Variants in XKR6 observed in about 807,000 individuals in gnomAD.
XKR6 encodes XK related 6.
In XKR6, 22 loss-of-function variants were observed where a neutral mutation model predicts 56.7. The observed-to-expected ratio is 0.39, with a 90% confidence interval of 0.28 to 0.55. The LOEUF is 0.55. XKR6 is among the 20% of genes least tolerant of loss of function. The probability of loss-of-function intolerance (pLI) is 0.66; values close to 1 mark genes in which losing one functional copy is unlikely to be tolerated. For missense variants in XKR6, 852 were observed against 889.0 expected (o/e 0.96, Z 0.53); for synonymous variants, 524 against 387.8 (o/e 1.35, Z -4.13).
chr8:11,025,733 C>A (rs1046688699), intron 1 of XKR6, among the ~76,000 whole-genome samples: 2 of 152,190 alleles, frequency 1.3e-5, no homozygotes, highest in Non-Finnish European at 2.9e-5. Context: ...CACTAATACA[C>A]ACCAAATAGA....
intron 1 of XKR6, among the ~76,000 whole-genome samples, chr8:11,086,389 G>T (rs1322834593): frequency 1.3e-5 from 2 of 152,110 alleles, no homozygotes; most frequent in South Asian, 4.1e-4. Flanking sequence ...CACAGTGGGT[G>T]CTATTCGCTG....
chr8:11,106,363 A>C (rs957499885), intron 1 of XKR6: 1 of 152,222 alleles, frequency 6.6e-6, no homozygotes, highest in Admixed American at 6.5e-5. Context: ...GAACTCCAGA[A>C]GCCAGCGAGC....
intron 1 of XKR6, among the ~76,000 whole-genome samples, chr8:10,984,694 G>GGCTC (rs1491182229): frequency 2.0e-5 from 1 of 50,186 alleles, no homozygotes; most frequent in Non-Finnish European, 4.3e-5. Context: ...TAAAATACAT[G>GGCTC]GCTCTCTCTC....
intron 1 of XKR6, among the ~76,000 whole-genome samples, chr8:11,031,348 T>A (rs991461784): frequency 2.0e-5 from 3 of 152,224 alleles, no homozygotes; most frequent in Admixed American, 6.5e-5. Context: ...GATCTCTCCT[T>A]GGGGCTTATG....
intron 1 of XKR6, among the ~76,000 whole-genome samples, chr8:11,038,688 C>G (rs568518410): frequency 6.6e-6 from 1 of 152,038 alleles, no homozygotes; most frequent in African/African-American, 2.4e-5. Context: ...GTGCTCACCA[C>G]CACGCCTGGC....
At chr8:11,159,196 G>T (rs955491406) in intron 1 of XKR6, among the ~76,000 whole-genome samples, 1 of 152,132 alleles carries the variant, frequency 6.6e-6, no homozygotes, top group Admixed American at 6.5e-5. Flanking sequence ...TCCCAGAGGG[G>T]TACCCAATTC....
chr8:11,201,214 G>A lies in XKR6; in HGVS notation c.126C>T (p.Gly42=), dbSNP rs1381158721. 26 of 1,533,596 alleles carry A rather than the reference G, an allele frequency of 1.7e-5. No individual in the cohort carries two copies. Among genetic ancestry groups the A allele is most frequent in the Middle Eastern group, 4.0e-4 (2 of 5,002 alleles). 95.0% of individuals were successfully genotyped at this position (1,533,596 alleles called of 1,614,324 possible). A position where few individuals can be genotyped will look rare whatever the true frequency, so the allele number is the denominator to read the frequency against. Residue 42 remains glycine (G), a synonymous_variant, in exon 1 of 3, where the codon GGC becomes GGT. Coordinates refer to ENST00000416569, the MANE Select transcript of XKR6 (RefSeq NM_173683.4). The part of the protein sequence containing the change: ...GEPGGGGCGG[G]GDGSEPGESS... Reference sequence around the variant, plus strand: ...TCTCGCCGGGCTCGCTGCCGTCGCCGCCGCCGCCGCAGCCGCCTCCCCCGG... The same window carrying A: ...TCTCGCCGGGCTCGCTGCCGTCGCCACCGCCGCCGCAGCCGCCTCCCCCGG...
chr8:11,167,322 G>A (rs896556579), intron 1 of XKR6, among the ~76,000 whole-genome samples: 6 of 152,210 alleles, frequency 3.9e-5, no homozygotes, highest in Non-Finnish European at 7.3e-5. Context: ...TGTGATGGCA[G>A]CCCATATTCC....
rs7018157 is a variant in XKR6, at chr8:11,144,004, G to T, written c.764+56572C>A. The stretch of plus-strand genomic sequence containing the variant: ...TTCCTCTGTGCATGTGTGTCCCTGG[G>T]GTCTCTCCCTCTTCTTTTAAGAAGT... On this transcript the variant is annotated intron_variant, in intron 1 of 2. Coordinates refer to ENST00000416569, the MANE Select transcript of XKR6 (RefSeq NM_173683.4). Among the ~76,000 whole-genome samples, 1,012 of 151,908 alleles carry T rather than the reference G, an allele frequency of 6.7e-3. 12 individuals carry two copies. Among genetic ancestry groups the T allele is most frequent in the African/African-American group, 0.023 (946 of 41,408 alleles).
chr8:11,037,602 G>A lies in XKR6; in HGVS notation c.765-112772C>T, dbSNP rs113787611. Among the ~76,000 whole-genome samples, 1,144 of 152,310 alleles carry A rather than the reference G, an allele frequency of 7.5e-3. 5 individuals are homozygous for A. Among genetic ancestry groups the A allele is most frequent in the Middle Eastern group, 0.058 (17 of 294 alleles). ...GGGCCGGGCGCAGTGGCTCACGCCT[G>A]TAATCCCAGCACTTTGGGAAGCTGA... On this transcript the variant is annotated intron_variant, in intron 1 of 2. Coordinates refer to ENST00000416569, the MANE Select transcript of XKR6 (RefSeq NM_173683.4).
At chr8:11,110,994 G>C (rs1247199315) in intron 1 of XKR6, among the ~76,000 whole-genome samples, 1 of 148,372 alleles carries the variant, frequency 6.7e-6, no homozygotes, top group Non-Finnish European at 1.5e-5. Context: ...CTGCCACCAC[G>C]CCTGGCTTTT....
chr8:11,187,177 C>G (rs1038242497), intron 1 of XKR6, among the ~76,000 whole-genome samples: 1 of 152,122 alleles, frequency 6.6e-6, no homozygotes, highest in African/African-American at 2.4e-5. Context: ...TGTTCAAATA[C>G]CAATGCTGCA....
intron 1 of XKR6, among the ~76,000 whole-genome samples, chr8:11,040,314 G>A (rs1189371345): frequency 1.3e-5 from 2 of 148,214 alleles, no homozygotes; most frequent in African/African-American, 5.0e-5. Context: ...TTGAGCCCAG[G>A]AATTTGAGAC....
intron 1 of XKR6, among the ~76,000 whole-genome samples, chr8:10,975,056 G>A (rs763807132): frequency 5.9e-5 from 9 of 152,080 alleles, no homozygotes; most frequent in East Asian, 3.9e-4. Context: ...GGTGACCTTC[G>A]GGAGCTGCCT....
chr8:11,097,936 G>A (rs1041831279), intron 1 of XKR6, among the ~76,000 whole-genome samples: 2 of 150,690 alleles, frequency 1.3e-5, no homozygotes, highest in African/African-American at 4.9e-5. Context: ...GAGAATTCAC[G>A]TGGAAGTCAA....
chr8:11,187,950 T>A (rs1803362002), intron 1 of XKR6, among the ~76,000 whole-genome samples: 1 of 152,236 alleles, frequency 6.6e-6, no homozygotes. Flanking sequence ...CCCTGTATTT[T>A]TACTTCAACT....
At chr8:10,945,786 T>G (rs1801517658) in intron 1 of XKR6, among the ~76,000 whole-genome samples, 1 of 152,062 alleles carries the variant, frequency 6.6e-6, no homozygotes. Flanking sequence ...GCCCTTCCCT[T>G]CTCCAGGCTC....
chr8:11,088,662 A>C (rs1797971630), intron 1 of XKR6, among the ~76,000 whole-genome samples: 1 of 152,234 alleles, frequency 6.6e-6, no homozygotes, highest in Admixed American at 6.5e-5. Flanking sequence ...TTTAGATTCA[A>C]GTGATGAGGA....
chr8:11,042,811 C>T (rs1281173417), intron 1 of XKR6, among the ~76,000 whole-genome samples: 1 of 152,252 alleles, frequency 6.6e-6, no homozygotes, highest in East Asian at 1.9e-4. Context: ...TGGATCCCAG[C>T]AGTGGACCCT....
Sources: gnomAD v4.1 joint callset for allele counts (sites outside exome capture counted in the v4.1 genomes callset) on GRCh38, gnomAD v4.1.1 for gene constraint, MANE v1.5 for transcripts, NCBI Gene and HGNC (gene_info 2026-07-23, HGNC 2026-07-21) for gene names.